The following CTNNA2 variants were observed in gnomAD, a reference collection of about 807,000 sequenced individuals.
CTNNA2 encodes the protein catenin alpha 2.
In CTNNA2, 42 loss-of-function variants were observed where a neutral mutation model predicts 101.0. The ratio of observed to expected loss-of-function variants is 0.42; its 90% CI spans 0.32 to 0.54. The LOEUF is 0.54. Ranked by LOEUF, CTNNA2 falls within the 20% of genes least tolerant of loss-of-function variation. The probability of loss-of-function intolerance (pLI) is 0.14; values close to 1 mark genes in which losing one functional copy is unlikely to be tolerated. For missense variants in CTNNA2, 871 were observed against 1,223.1 expected (o/e 0.71, Z 4.29); for synonymous variants, 450 against 456.4 (o/e 0.99, Z 0.18).
At chr2:80,360,528 A>G (rs974181831) in intron 7 of CTNNA2, among the ~76,000 whole-genome samples, 1 of 152,084 alleles carries the variant, frequency 6.6e-6, no homozygotes, top group South Asian at 2.1e-4. Flanking sequence ...GAGAATTTCA[A>G]CCACAGGAGC....
chr2:79,483,540 G>T (rs1475495348), intron 4 of CTNNA2, among the ~76,000 whole-genome samples: 1 of 152,010 alleles, frequency 6.6e-6, no homozygotes, highest in Non-Finnish European at 1.5e-5. Flanking sequence ...CCATGGGCTG[G>T]TGGACCGAGG....
intron 4 of CTNNA2, among the ~76,000 whole-genome samples, chr2:79,496,445 T>C (rs182101362): frequency 1.9e-3 from 296 of 152,234 alleles, no homozygotes; most frequent in African/African-American, 4.9e-3. Flanking sequence ...AACTGGAAAG[T>C]ATAAACTCAA....
intron 9 of CTNNA2, among the ~76,000 whole-genome samples, chr2:80,517,063 T>C (rs1008067934): frequency 1.2e-4 from 18 of 152,154 alleles, no homozygotes; most frequent in African/African-American, 4.3e-4. Context: ...GAAGGCAACT[T>C]GGTGCTGCAC....
intron 7 of CTNNA2, among the ~76,000 whole-genome samples, chr2:80,076,561 GC>G (rs1698767080): frequency 1.3e-5 from 2 of 151,296 alleles, no homozygotes; most frequent in Admixed American, 6.6e-5. Context: ...GGGATTACAG[GC>G]ATGAGCCACT....
At chr2:79,853,299 G>A (rs1421977347) in intron 3 of CTNNA2, among the ~76,000 whole-genome samples, 1 of 152,024 alleles carries the variant, frequency 6.6e-6, no homozygotes, top group Non-Finnish European at 1.5e-5. Flanking sequence ...GACTACCCTG[G>A]CAATTTGATT....
At chr2:79,456,429 C>G (rs1227344948) in intron 4 of CTNNA2, among the ~76,000 whole-genome samples, 1 of 152,038 alleles carries the variant, frequency 6.6e-6, no homozygotes, top group Non-Finnish European at 1.5e-5. Flanking sequence ...ATTCAATGCA[C>G]AAATATTAAA....
chr2:79,220,323 G>C (rs1173178177), intron 2 of CTNNA2, among the ~76,000 whole-genome samples: 1 of 152,172 alleles, frequency 6.6e-6, no homozygotes, highest in African/African-American at 2.4e-5. Flanking sequence ...GTGGAAGGCA[G>C]ATGAAGACAA....
At chr2:80,313,347 T>C in intron 7 of CTNNA2, 1 of 1,331,758 alleles carries the variant, frequency 7.5e-7, no homozygotes, top group Non-Finnish European at 9.6e-7. Flanking sequence ...TTTTGTTCAT[T>C]TGTTGTAAGT....
chr2:79,466,943 A>T (rs762747170), intron 4 of CTNNA2, among the ~76,000 whole-genome samples: 1 of 152,234 alleles, frequency 6.6e-6, no homozygotes, highest in African/African-American at 2.4e-5. Context: ...AGAGCAGAAC[A>T]TCTGAAAATT....
intron 2 of CTNNA2, among the ~76,000 whole-genome samples, chr2:79,652,874 TATC>T (rs1402901933): frequency 6.6e-6 from 1 of 152,108 alleles, no homozygotes; most frequent in Admixed American, 6.6e-5. Flanking sequence ...AAGTTCAAAA[TATC>T]ATCTAAATTT....
At chr2:80,123,274 C>G (rs1701944773) in intron 7 of CTNNA2, among the ~76,000 whole-genome samples, 1 of 152,126 alleles carries the variant, frequency 6.6e-6, no homozygotes. Context: ...TCCTTACACC[C>G]TTCCTGAAAG....
At chr2:79,809,797 C>T (rs896670296) in intron 3 of CTNNA2, among the ~76,000 whole-genome samples, 3 of 152,056 alleles carry the variant, frequency 2.0e-5, no homozygotes, top group East Asian at 1.9e-4. Flanking sequence ...AATTAGATCC[C>T]GTTTGTCAAT....
At position 80,136,437 on chromosome 2, in the gene CTNNA2, G is replaced by A. The variant is rs1330573965; in HGVS notation, c.1056+226640G>A. 7.9e-5 allele frequency among the ~76,000 whole-genome samples: 12 copies of A among 152,170 alleles called. No individual in the cohort carries two copies. The East Asian group carries it at 2.3e-3, about 29-fold the overall frequency. ...GCTAAGTTTGTTGGCTTTCTTCTAT[G>A]AATAGTCAATGTACCCTGCTTGGAC... On this transcript the variant is annotated intron_variant, in intron 7 of 18. Transcript: ENST00000402739.
At chr2:79,415,600 C>T (rs1678470585) in intron 4 of CTNNA2, among the ~76,000 whole-genome samples, 1 of 151,844 alleles carries the variant, frequency 6.6e-6, no homozygotes, top group South Asian at 2.1e-4. Context: ...TTAAGGAATA[C>T]TATGTGGGAA....
chr2:80,390,880 C>A (rs1026517816), intron 7 of CTNNA2, among the ~76,000 whole-genome samples: 1 of 151,912 alleles, frequency 6.6e-6, no homozygotes, highest in African/African-American at 2.4e-5. Flanking sequence ...GCCTGTAATA[C>A]CAGCACTTAG....
chr2:80,590,643 C>T (rs1451030988), intron 15 of CTNNA2, among the ~76,000 whole-genome samples: 1 of 152,048 alleles, frequency 6.6e-6, no homozygotes, highest in Admixed American at 6.6e-5. Context: ...TGCGTCACCC[C>T]CTTTGCCTCT....
At chr2:80,362,383 G>C (rs993866529) in intron 7 of CTNNA2, among the ~76,000 whole-genome samples, 2 of 152,044 alleles carry the variant, frequency 1.3e-5, no homozygotes, top group African/African-American at 4.8e-5. Flanking sequence ...TTTCAACAGA[G>C]AGAATTATTT....
chr2:80,233,157 A>T (rs1316421177), intron 7 of CTNNA2, among the ~76,000 whole-genome samples: 1 of 152,184 alleles, frequency 6.6e-6, no homozygotes, highest in Non-Finnish European at 1.5e-5. Context: ...GTAGGTCTGC[A>T]TACCTAAGTA....
chr2:79,220,823 C>CT (rs1674333063), intron 2 of CTNNA2, among the ~76,000 whole-genome samples: 1 of 152,144 alleles, frequency 6.6e-6, no homozygotes, highest in African/African-American at 2.4e-5. Flanking sequence ...CACCTGAGAG[C>CT]TGTAGGAAAG....
Sources: allele counts gnomAD v4.1 joint callset (sites outside exome capture counted in the v4.1 genomes callset), GRCh38; gene constraint gnomAD v4.1.1; transcripts MANE v1.5; gene names NCBI Gene and HGNC (gene_info 2026-07-23, HGNC 2026-07-21).